Variants in CTNNA3 observed in about 807,000 individuals in gnomAD.
The protein encoded by CTNNA3 is catenin alpha 3.
Under a neutral mutation model 95.7 loss-of-function variants are expected in CTNNA3, and 76 were observed. The observed-to-expected ratio is 0.79, with a 90% CI of 0.66 to 0.96. The LOEUF is 0.96. Ranked by LOEUF, CTNNA3 falls within the 40% of genes least tolerant of loss-of-function variation. The pLI, the probability that CTNNA3 is intolerant of heterozygous loss-of-function variation, is 0.00. For missense variants in CTNNA3, 1,191 were observed against 1,089.8 expected (o/e 1.09, Z -1.31); for synonymous variants, 431 against 374.4 (o/e 1.15, Z -1.74).
At chr10:67,097,906 C>T (rs1428004398) in intron 7 of CTNNA3, 2 of 922,340 alleles carry the variant, frequency 2.2e-6, no homozygotes, top group Non-Finnish European at 3.3e-6. Flanking sequence ...CACAAAATCC[C>T]CTGTTCAAAT....
chr10:66,954,572 C>T (rs373617949), intron 7 of CTNNA3, among the ~76,000 whole-genome samples: 6 of 152,218 alleles, frequency 3.9e-5, no homozygotes, highest in Admixed American at 1.3e-4. Flanking sequence ...AATATGAATA[C>T]ATAAACTTAG....
At chr10:66,199,806 T>TATAA (rs1554887153) in intron 13 of CTNNA3, among the ~76,000 whole-genome samples, 2 of 9,042 alleles carry the variant, frequency 2.2e-4, no homozygotes, top group African/African-American at 9.7e-4. Context: ...TATATATATA[T>TATAA]TTTTTTTTTT....
intron 7 of CTNNA3, among the ~76,000 whole-genome samples, chr10:67,146,043 T>C (rs1032709146): frequency 6.6e-6 from 1 of 152,074 alleles, no homozygotes; most frequent in Non-Finnish European, 1.5e-5. Context: ...TACTGAATCA[T>C]CTTCTATGGA....
intron 2 of CTNNA3, among the ~76,000 whole-genome samples, chr10:67,613,725 C>A (rs578059043): frequency 2.5e-4 from 38 of 151,882 alleles, no homozygotes; most frequent in African/African-American, 8.4e-4. Flanking sequence ...TCATTTTTTT[C>A]AATCCTTGTG....
At chr10:67,312,655 A>G (rs1366496899) in intron 5 of CTNNA3, among the ~76,000 whole-genome samples, 1 of 152,226 alleles carries the variant, frequency 6.6e-6, no homozygotes, top group Admixed American at 6.5e-5. Flanking sequence ...ATAGCCATTG[A>G]TTCTGTGACA....
intron 4 of CTNNA3, among the ~76,000 whole-genome samples, chr10:67,536,728 A>G (rs1007605245): frequency 3.3e-5 from 5 of 152,162 alleles, no homozygotes; most frequent in African/African-American, 1.2e-4. Flanking sequence ...ATATTTCTCA[A>G]CAATTTTAAC....
chr10:66,825,792 T>C (rs1271586701), intron 7 of CTNNA3, among the ~76,000 whole-genome samples: 3 of 152,108 alleles, frequency 2.0e-5, no homozygotes, highest in Non-Finnish European at 4.4e-5. Flanking sequence ...AGCCCTCATT[T>C]CTGGCTTCGC....
chr10:66,536,313 C>T (rs1307756458), intron 10 of CTNNA3, among the ~76,000 whole-genome samples: 1 of 151,820 alleles, frequency 6.6e-6, no homozygotes, highest in Non-Finnish European at 1.5e-5. Flanking sequence ...GAAACTCCAT[C>T]TATACTAAAA....
At chr10:66,750,544 A>G (rs375461720) in intron 9 of CTNNA3, among the ~76,000 whole-genome samples, 1 of 152,086 alleles carries the variant, frequency 6.6e-6, no homozygotes, top group African/African-American at 2.4e-5. Flanking sequence ...GTCTATTTCT[A>G]TGCTCTCTAT....
intron 7 of CTNNA3, among the ~76,000 whole-genome samples, chr10:66,979,804 A>G (rs1016502289): frequency 6.6e-6 from 1 of 152,196 alleles, no homozygotes; most frequent in South Asian, 2.1e-4. Context: ...ATTTTATTCT[A>G]TGGAGAAAAG....
chr10:66,307,067 A>C (rs2132246138), intron 12 of CTNNA3, among the ~76,000 whole-genome samples: 1 of 152,302 alleles, frequency 6.6e-6, no homozygotes, highest in East Asian at 1.9e-4. Context: ...GAGCCCTCTG[A>C]ATTAGATACT....
chr10:67,520,597 AT>A (rs1204182831), intron 5 of CTNNA3, among the ~76,000 whole-genome samples: 1 of 152,136 alleles, frequency 6.6e-6, no homozygotes, highest in Non-Finnish European at 1.5e-5. Context: ...ATCATCATTA[AT>A]TTTTTTAAAA....
rs189309394 is a variant in CTNNA3 at position 66,089,094 on chromosome 10, C to T, written c.1977+14063G>A. ...ATTTTGTATTCTCAGCAGTAAAGTT[C>T]GCGCCCCTTTTCTTTTGTTTTTGGT... On this transcript the variant is annotated intron_variant, in intron 14 of 17. Coordinates refer to ENST00000433211, the MANE Select transcript of CTNNA3 (RefSeq NM_013266.4). Among the ~76,000 whole-genome samples the T allele has an allele frequency of 1.1e-3, 168 of 151,904 alleles. 1 individual carries two copies. Among genetic ancestry groups the T allele is most frequent in the African/African-American group, 3.8e-3 (159 of 41,476 alleles).
intron 5 of CTNNA3, among the ~76,000 whole-genome samples, chr10:67,436,488 A>G (rs1357815617): frequency 6.6e-6 from 1 of 152,210 alleles, no homozygotes; most frequent in Non-Finnish European, 1.5e-5. Context: ...TAATCAGACT[A>G]AAGAGCTTCT....
chr10:67,269,793 T>G (rs1838882780), intron 5 of CTNNA3, among the ~76,000 whole-genome samples: 1 of 152,166 alleles, frequency 6.6e-6, no homozygotes, highest in South Asian at 2.1e-4. Flanking sequence ...TCATTTTGAC[T>G]GTTCCTTTTA....
At chr10:66,541,955 T>C (rs1055328091) in intron 10 of CTNNA3, among the ~76,000 whole-genome samples, 1 of 152,038 alleles carries the variant, frequency 6.6e-6, no homozygotes, top group Admixed American at 6.6e-5. Context: ...ACAGGCAACC[T>C]ACAAAATGGG....
chr10:66,439,215 C>T (rs1381055930), intron 11 of CTNNA3, among the ~76,000 whole-genome samples: 2 of 151,964 alleles, frequency 1.3e-5, no homozygotes. Context: ...AGATAAAATA[C>T]TTATAAAGAA....
chr10:67,180,040 T>G (rs1862441810), intron 7 of CTNNA3, among the ~76,000 whole-genome samples: 1 of 152,106 alleles, frequency 6.6e-6, no homozygotes, highest in South Asian at 2.1e-4. Context: ...GTTTCCTTTC[T>G]CCAATCCTGA....
At chr10:66,842,782 A>C (rs933143393) in intron 7 of CTNNA3, among the ~76,000 whole-genome samples, 1 of 152,188 alleles carries the variant, frequency 6.6e-6, no homozygotes, top group Non-Finnish European at 1.5e-5. Context: ...AACTCTTCAG[A>C]AACCTAGAAG....
Sources: gnomAD v4.1 joint callset for allele counts (sites outside exome capture counted in the v4.1 genomes callset) on GRCh38, gnomAD v4.1.1 for gene constraint, MANE v1.5 for transcripts, NCBI Gene and HGNC (gene_info 2026-07-23, HGNC 2026-07-21) for gene names.